Variants in MDGA2 observed in about 807,000 individuals in gnomAD.
The protein encoded by MDGA2 is MAM domain containing glycosylphosphatidylinositol anchor 2.
MDGA2 carries 40 observed loss-of-function variants against 117.8 expected under a neutral mutation model. The ratio of observed to expected loss-of-function variants is 0.34; its 90% CI spans 0.26 to 0.44. MDGA2 has a LOEUF of 0.44. Ranked by LOEUF, MDGA2 falls within the 20% of genes least tolerant of loss-of-function variation. The pLI is 1.00. For missense variants in MDGA2, 1,123 were observed against 1,250.6 expected, an observed-to-expected ratio of 0.90 and a Z score of 1.54; for synonymous variants, 452 against 439.0, an observed-to-expected ratio of 1.03 and a Z score of -0.37.
At chr14:47,388,668 G>A (rs1891815046) in intron 1 of MDGA2, among the ~76,000 whole-genome samples, 1 of 152,112 alleles carries the variant, frequency 6.6e-6, no homozygotes, top group South Asian at 2.1e-4. Context: ...AGAAAATTAG[G>A]GGTTTGGAGT....
At chr14:47,316,371 A>C (rs947216581) in intron 1 of MDGA2, among the ~76,000 whole-genome samples, 1 of 152,124 alleles carries the variant, frequency 6.6e-6, no homozygotes, top group African/African-American at 2.4e-5. Context: ...AATAAACCGC[A>C]ACTTTATGTA....
chr14:47,107,729 C>T (rs1392124630), intron 5 of MDGA2, among the ~76,000 whole-genome samples: 7 of 151,186 alleles, frequency 4.6e-5, no homozygotes, highest in Non-Finnish European at 7.4e-5. Context: ...GCATGGTTAG[C>T]GCGGTCAGAA....
chr14:47,581,035 C>T (rs1246609109), intron 1 of MDGA2, among the ~76,000 whole-genome samples: 1 of 151,982 alleles, frequency 6.6e-6, no homozygotes, highest in African/African-American at 2.4e-5. Flanking sequence ...AAAGCACTTA[C>T]AACTTATCAA....
intron 10 of MDGA2, among the ~76,000 whole-genome samples, chr14:46,906,178 T>A (rs977526653): frequency 2.6e-5 from 4 of 151,860 alleles, no homozygotes; most frequent in Non-Finnish European, 5.9e-5. Flanking sequence ...CAGAAAGGAA[T>A]GACATTTTTC....
At chr14:47,619,070 G>C (rs959840732) in intron 1 of MDGA2, among the ~76,000 whole-genome samples, 1 of 149,460 alleles carries the variant, frequency 6.7e-6, no homozygotes, top group Non-Finnish European at 1.5e-5. Context: ...AGGTTATAAT[G>C]ATTTTGATAC....
intron 1 of MDGA2, among the ~76,000 whole-genome samples, chr14:47,596,569 G>A (rs577890505): frequency 6.4e-4 from 97 of 152,206 alleles, no homozygotes; most frequent in African/African-American, 2.2e-3. Flanking sequence ...CAGGAAGCCC[G>A]TTTTATCCTT....
chr14:47,018,146 T>C (rs561172755), intron 8 of MDGA2, among the ~76,000 whole-genome samples: 76 of 46,764 alleles, frequency 1.6e-3, no homozygotes, highest in African/African-American at 4.2e-3. Context: ...GGTAATTGAC[T>C]TTTTTTTTCC....
intron 1 of MDGA2, among the ~76,000 whole-genome samples, chr14:47,512,239 G>C (rs1409709457): frequency 6.6e-6 from 1 of 152,078 alleles, no homozygotes; most frequent in Non-Finnish European, 1.5e-5. Flanking sequence ...ATCTGATTTT[G>C]ATGTCCAACA....
chr14:47,217,403 A>G (rs1886132890), intron 3 of MDGA2, among the ~76,000 whole-genome samples: 1 of 152,074 alleles, frequency 6.6e-6, no homozygotes, highest in South Asian at 2.1e-4. Context: ...GATTTAAAAT[A>G]TTATCATCAA....
intron 1 of MDGA2, among the ~76,000 whole-genome samples, chr14:47,499,628 G>A (rs922437929): frequency 3.3e-5 from 5 of 152,092 alleles, no homozygotes; most frequent in African/African-American, 9.7e-5. Context: ...TATACCTACA[G>A]CTTCCAGCAA....
At chr14:46,874,410 T>C (rs971667520) in intron 12 of MDGA2, among the ~76,000 whole-genome samples, 1 of 151,886 alleles carries the variant, frequency 6.6e-6, no homozygotes, top group African/African-American at 2.4e-5. Context: ...TGTAAATTAA[T>C]ATCTTATTGA....
Position 47,196,303 on chromosome 14 carries a change from T to C in MDGA2, c.595+21718A>G, listed in dbSNP as rs114359549. Among the ~76,000 whole-genome samples, 1,122 of 152,224 alleles carry C rather than the reference T, an allele frequency of 7.4e-3. 16 individuals carry two copies. Among genetic ancestry groups the C allele is most frequent in the African/African-American group, 0.026 (1,074 of 41,550 alleles). ...AGAGTATAAGTAGCTGTAGTAGTAA[T>C]AGTAAAGAGGTTCTCAGTGACAAGA... On this transcript the variant is annotated intron_variant, in intron 3 of 16. Transcript: ENST00000399232.
At chr14:47,336,588 C>T (rs1330545604) in intron 1 of MDGA2, among the ~76,000 whole-genome samples, 1 of 151,804 alleles carries the variant, frequency 6.6e-6, no homozygotes, top group Non-Finnish European at 1.5e-5. Flanking sequence ...AATTAAAGTA[C>T]CCACTTTGAG....
intron 1 of MDGA2, among the ~76,000 whole-genome samples, chr14:47,568,479 C>T (rs1022420418): frequency 1.3e-5 from 2 of 152,236 alleles, no homozygotes; most frequent in African/African-American, 4.8e-5. Flanking sequence ...ATTTTCTTCA[C>T]AGTAAAGAGA....
At chr14:47,460,797 C>T (rs933421655) in intron 1 of MDGA2, among the ~76,000 whole-genome samples, 5 of 152,054 alleles carry the variant, frequency 3.3e-5, no homozygotes, top group African/African-American at 1.2e-4. Context: ...ATCCCTGATC[C>T]ATTGTTCGCC....
At chr14:47,494,906 TTGTGTATA>T (rs1225748291) in intron 1 of MDGA2, among the ~76,000 whole-genome samples, 1 of 148,548 alleles carries the variant, frequency 6.7e-6, no homozygotes. Flanking sequence ...AAAATATATA[TTGTGTATA>T]TGTGTATATA....
intron 12 of MDGA2, among the ~76,000 whole-genome samples, chr14:46,874,878 A>G (rs757143099): frequency 1.3e-4 from 19 of 151,692 alleles, no homozygotes; most frequent in Non-Finnish European, 1.8e-4. Context: ...GTTCAGAGAA[A>G]GACTTTTTCA....
At chr14:47,248,698 T>C (rs1887333462) in intron 2 of MDGA2, among the ~76,000 whole-genome samples, 1 of 152,170 alleles carries the variant, frequency 6.6e-6, no homozygotes, top group African/African-American at 2.4e-5. Flanking sequence ...CATCAGATAA[T>C]TGTAAATCTT....
At chr14:47,128,490 A>G (rs1882018335) in intron 5 of MDGA2, among the ~76,000 whole-genome samples, 1 of 152,116 alleles carries the variant, frequency 6.6e-6, no homozygotes, top group Non-Finnish European at 1.5e-5. Context: ...AAAGAAGCTA[A>G]GAAAAACAAA....
Sources: gnomAD v4.1 joint callset for allele counts (sites outside exome capture counted in the v4.1 genomes callset) on GRCh38, gnomAD v4.1.1 for gene constraint, MANE v1.5 for transcripts, NCBI Gene and HGNC (gene_info 2026-07-23, HGNC 2026-07-21) for gene names.